The following DLGAP1 variants were observed in gnomAD, a reference collection of about 807,000 sequenced individuals.
DLGAP1 encodes disks large-associated protein 1.
In DLGAP1, 11 loss-of-function variants were observed where a neutral mutation model predicts 90.8. That is an observed-to-expected ratio of 0.12 (90% CI 0.08 to 0.20). DLGAP1 has a LOEUF of 0.20. Among genes scored for constraint, DLGAP1 ranks in the 10% least tolerant of loss-of-function variants. The probability of loss-of-function intolerance (pLI) is 1.00; values close to 1 mark genes in which losing one functional copy is unlikely to be tolerated. For synonymous variants in DLGAP1, 558 were observed against 540.7 expected, an observed-to-expected ratio of 1.03 and a Z score of -0.44; for missense variants, 1,050 against 1,333.8, an observed-to-expected ratio of 0.79 and a Z score of 3.31.
At chr18:3,834,120 C>G (rs1030369357) in intron 4 of DLGAP1, among the ~76,000 whole-genome samples, 25 of 151,994 alleles carry the variant, frequency 1.6e-4, no homozygotes, top group African/African-American at 5.5e-4. Context: ...TCCTGGCTAA[C>G]ACGGTGAAAC....
chr18:4,394,822 T>G (rs990360963), intron 1 of DLGAP1, among the ~76,000 whole-genome samples: 2 of 152,232 alleles, frequency 1.3e-5, no homozygotes, highest in Non-Finnish European at 2.9e-5. Flanking sequence ...TTAAAGAATT[T>G]CATAAATTGC....
At chr18:3,836,883 C>G (rs1478206641) in intron 4 of DLGAP1, among the ~76,000 whole-genome samples, 1 of 152,122 alleles carries the variant, frequency 6.6e-6, no homozygotes, top group Non-Finnish European at 1.5e-5. Flanking sequence ...TTTTGAAGAG[C>G]GTGGTAGATT....
At position 4,214,076 on chromosome 18, in the gene DLGAP1, T is replaced by C. The variant is rs924104156; in HGVS notation, c.-266-62789A>G. Among the ~76,000 whole-genome samples the C allele has an allele frequency of 3.9e-5, 6 of 152,088 alleles. 1 individual carries two copies. The highest frequency in any genetic ancestry group is 8.8e-5 in the Non-Finnish European group (6 of 68,008). On this transcript the variant is annotated intron_variant, in intron 1 of 12. Coordinates refer to ENST00000315677, the MANE Select transcript of DLGAP1 (RefSeq NM_004746.4). ...GGAGACATGAGGTGAGGACAATGCT[T>C]CCAAGATGCCGAAACTCATCAAGAC...
intron 2 of DLGAP1, among the ~76,000 whole-genome samples, chr18:4,050,094 A>C (rs891777775): frequency 5.3e-5 from 8 of 152,218 alleles, no homozygotes; most frequent in Admixed American, 3.9e-4. Context: ...AGTTAAAGAA[A>C]CATTTACAAC....
intron 4 of DLGAP1, among the ~76,000 whole-genome samples, chr18:3,818,755 C>A (rs1384273357): frequency 6.6e-6 from 1 of 151,740 alleles, no homozygotes; most frequent in Non-Finnish European, 1.5e-5. Flanking sequence ...GCCACCATGC[C>A]TGGCTAATTT....
At chr18:3,582,744 T>C (rs1359051644) in intron 7 of DLGAP1, among the ~76,000 whole-genome samples, 1 of 152,124 alleles carries the variant, frequency 6.6e-6, no homozygotes, top group East Asian at 1.9e-4. Context: ...CTGATCCTAA[T>C]AACAAGGACG....
At chr18:3,719,782 A>G (rs1206969258) in intron 7 of DLGAP1, among the ~76,000 whole-genome samples, 1 of 152,184 alleles carries the variant, frequency 6.6e-6, no homozygotes, top group Non-Finnish European at 1.5e-5. Flanking sequence ...AAAATGATAA[A>G]AGCAAACATC....
In DLGAP1 at chr18:4,324,092, GA is replaced by G. The variant is rs201513215; in HGVS notation, c.-267+130913del. 2.0e-3 allele frequency among the ~76,000 whole-genome samples: 304 copies of G among 151,446 alleles called. 5 individuals are homozygous for G. In the East Asian group the frequency reaches 0.029, roughly 15 times the overall value. ...CAATGAATTCATGAGTTGGTTCTTT[GA>G]AAAAAATTAGTAAGATAGACCACTA... On this transcript the variant is annotated intron_variant, in intron 1 of 12. Coordinates refer to ENST00000315677, the MANE Select transcript of DLGAP1 (RefSeq NM_004746.4).
At chr18:3,892,911 T>C (rs1186331692) in intron 3 of DLGAP1, among the ~76,000 whole-genome samples, 1 of 147,872 alleles carries the variant, frequency 6.8e-6, no homozygotes, top group African/African-American at 2.5e-5. Flanking sequence ...TAAATATATA[T>C]ATTTATATAT....
intron 7 of DLGAP1, among the ~76,000 whole-genome samples, chr18:3,683,133 G>C (rs753265332): frequency 5.3e-5 from 8 of 152,072 alleles, no homozygotes; most frequent in Non-Finnish European, 1.2e-4. Context: ...TGGGATTACA[G>C]GTGTGAGCCA....
chr18:3,785,714 G>A (rs779555237), intron 5 of DLGAP1, among the ~76,000 whole-genome samples: 4 of 152,160 alleles, frequency 2.6e-5, no homozygotes, highest in Admixed American at 1.3e-4. Context: ...CTGAGATAGC[G>A]AATGAGATTT....
intron 2 of DLGAP1, among the ~76,000 whole-genome samples, chr18:4,058,472 A>G (rs1046009866): frequency 6.6e-6 from 1 of 152,184 alleles, no homozygotes; most frequent in Non-Finnish European, 1.5e-5. Flanking sequence ...CTTTTGAAGC[A>G]GTTTTTCTGC....
intron 1 of DLGAP1, among the ~76,000 whole-genome samples, chr18:4,283,472 C>A (rs1598808112): frequency 6.6e-6 from 1 of 152,090 alleles, no homozygotes; most frequent in African/African-American, 2.4e-5. Context: ...GTAAAGGGCC[C>A]TGTAAGATAT....
At chr18:3,624,851 AC>A (rs1411588656) in intron 7 of DLGAP1, among the ~76,000 whole-genome samples, 5 of 151,930 alleles carry the variant, frequency 3.3e-5, no homozygotes, top group Non-Finnish European at 7.4e-5. Context: ...ACTAATCTAA[AC>A]TCCAAGAAAT....
intron 1 of DLGAP1, among the ~76,000 whole-genome samples, chr18:4,193,403 GA>G (rs2077437005): frequency 6.6e-6 from 1 of 151,940 alleles, no homozygotes; most frequent in African/African-American, 2.4e-5. Flanking sequence ...CATCCAAATA[GA>G]ACGGCCTAGA....
intron 1 of DLGAP1, among the ~76,000 whole-genome samples, chr18:4,444,103 A>C (rs1390434067): frequency 1.3e-5 from 2 of 152,196 alleles, no homozygotes; most frequent in Non-Finnish European, 2.9e-5. Flanking sequence ...AGGTGAATGC[A>C]ATTGGAAGAC....
chr18:3,540,156 G>GA (rs2052604455), intron 9 of DLGAP1, among the ~76,000 whole-genome samples: 3 of 152,164 alleles, frequency 2.0e-5, no homozygotes, highest in South Asian at 4.2e-4. Flanking sequence ...GCACGGGCGT[G>GA]AGGAGACCGA....
chr18:3,817,141 C>T (rs2067146290), intron 4 of DLGAP1, among the ~76,000 whole-genome samples: 1 of 152,044 alleles, frequency 6.6e-6, no homozygotes, highest in Non-Finnish European at 1.5e-5. Flanking sequence ...TGACGCACAC[C>T]ACACTTGCTA....
At chr18:3,527,660 G>C (rs186107664) in intron 10 of DLGAP1, among the ~76,000 whole-genome samples, 1 of 151,710 alleles carries the variant, frequency 6.6e-6, no homozygotes, top group Non-Finnish European at 1.5e-5. Flanking sequence ...GCACGATCAC[G>C]GCTCACTGTA....
Sources: gnomAD v4.1 joint callset for allele counts (sites outside exome capture counted in the v4.1 genomes callset) on GRCh38, gnomAD v4.1.1 for gene constraint, MANE v1.5 for transcripts, NCBI Gene and HGNC (gene_info 2026-07-23, HGNC 2026-07-21) for gene names.